Variants in GALNT1 observed in about 807,000 individuals in gnomAD.
GALNT1 encodes the protein polypeptide N-acetylgalactosaminyltransferase 1.
Under a neutral mutation model 65.7 loss-of-function variants are expected in GALNT1, and 17 were observed. That is an observed-to-expected ratio of 0.26 (90% CI 0.18 to 0.39). GALNT1 has a LOEUF of 0.39. GALNT1 is among the 10% of genes least tolerant of loss of function. GALNT1 has a pLI of 1.00. For synonymous variants in GALNT1, 210 were observed against 219.7 expected, an observed-to-expected ratio of 0.96 and a Z score of 0.39; for missense variants, 460 against 672.8, an observed-to-expected ratio of 0.68 and a Z score of 3.50.
intron 1 of GALNT1, among the ~76,000 whole-genome samples, chr18:35,633,238 T>TG (rs1202085712): frequency 6.6e-6 from 1 of 152,170 alleles, no homozygotes; most frequent in African/African-American, 2.4e-5. Context: ...TAAAGACACA[T>TG]GCACACATAT....
At chr18:35,647,485 T>C (rs2047245880) in intron 1 of GALNT1, among the ~76,000 whole-genome samples, 1 of 152,178 alleles carries the variant, frequency 6.6e-6, no homozygotes, top group Non-Finnish European at 1.5e-5. Flanking sequence ...ATAGAGCAAA[T>C]AGAATATAAA....
At chr18:35,706,232 CG>C (rs534080810) in intron 11 of GALNT1, among the ~76,000 whole-genome samples, 83 of 152,210 alleles carry the variant, frequency 5.5e-4, no homozygotes, top group African/African-American at 1.9e-3. Context: ...AAGAGCCGGC[CG>C]GGCGCGGTGG....
chr18:35,593,470 G>T (rs2046468984), intron 1 of GALNT1, among the ~76,000 whole-genome samples: 1 of 152,094 alleles, frequency 6.6e-6, no homozygotes. Context: ...TGGTTTTTAG[G>T]ATAGGAAGGA....
intron 9 of GALNT1, 31 bp from the exon 10 acceptor site, chr18:35,702,866 C>T: frequency 6.9e-7 from 1 of 1,444,778 alleles, no homozygotes; most frequent in Non-Finnish European, 9.6e-7. Flanking sequence ...TTCTCCAACT[C>T]CTGATATTTT....
intron 1 of GALNT1, among the ~76,000 whole-genome samples, chr18:35,587,683 A>G (rs528380929): frequency 1.8e-4 from 27 of 152,216 alleles, no homozygotes; most frequent in Non-Finnish European, 3.4e-4. Flanking sequence ...CCTTACATCC[A>G]TGGCATGAAA....
intron 1 of GALNT1, among the ~76,000 whole-genome samples, chr18:35,644,477 C>A (rs1329040829): frequency 6.6e-6 from 1 of 152,132 alleles, no homozygotes; most frequent in Non-Finnish European, 1.5e-5. Context: ...TAGGGGTAAG[C>A]CAGAATAGCT....
intron 1 of GALNT1, chr18:35,597,376 G>A (rs893071486): frequency 2.0e-5 from 3 of 152,196 alleles, no homozygotes; most frequent in East Asian, 1.9e-4. Context: ...AAATTAGGAC[G>A]TGGGGAGAGA....
intron 1 of GALNT1, among the ~76,000 whole-genome samples, chr18:35,587,601 T>C (rs1254651613): frequency 6.6e-6 from 1 of 152,220 alleles, no homozygotes; most frequent in African/African-American, 2.4e-5. Flanking sequence ...GTTGATCTGA[T>C]CATGTGATTT....
intron 1 of GALNT1, among the ~76,000 whole-genome samples, chr18:35,616,696 A>G (rs2046788116): frequency 6.6e-6 from 1 of 152,032 alleles, no homozygotes; most frequent in South Asian, 2.1e-4. Flanking sequence ...AATACTTGGC[A>G]GAAACAGCTT....
At chr18:35,700,636 A>G (rs1346731790) in intron 9 of GALNT1, among the ~76,000 whole-genome samples, 1 of 152,180 alleles carries the variant, frequency 6.6e-6, no homozygotes, top group Non-Finnish European at 1.5e-5. Flanking sequence ...AGGATGGTAT[A>G]AGCTGTTATG....
intron 1 of GALNT1, among the ~76,000 whole-genome samples, chr18:35,629,147 G>T (rs1279534217): frequency 6.6e-6 from 1 of 152,158 alleles, no homozygotes; most frequent in African/African-American, 2.4e-5. Flanking sequence ...CACTCTGCAG[G>T]ATATTATCCA....
intron 1 of GALNT1, among the ~76,000 whole-genome samples, chr18:35,652,324 T>A (rs2047321838): frequency 6.6e-6 from 1 of 152,142 alleles, no homozygotes; most frequent in Non-Finnish European, 1.5e-5. Flanking sequence ...TCTAACATTG[T>A]TTATCCATAC....
At chr18:35,626,793 C>G (rs2046923203) in intron 1 of GALNT1, among the ~76,000 whole-genome samples, 1 of 152,198 alleles carries the variant, frequency 6.6e-6, no homozygotes, top group African/African-American at 2.4e-5. Flanking sequence ...AAGATGGTTA[C>G]ATTACTTCTA....
intron 9 of GALNT1, among the ~76,000 whole-genome samples, chr18:35,692,537 C>T (rs1252011323): frequency 5.3e-5 from 8 of 151,756 alleles, no homozygotes; most frequent in Non-Finnish European, 8.8e-5. Flanking sequence ...TGAGTTGATG[C>T]GCCTGGAGAT....
intron 1 of GALNT1, among the ~76,000 whole-genome samples, chr18:35,602,026 G>A (rs192263546): frequency 6.6e-6 from 1 of 152,308 alleles, no homozygotes; most frequent in Admixed American, 6.5e-5. Flanking sequence ...TCAGATTGAA[G>A]AACTCCCTTT....
At chr18:35,662,958 A>G (rs1174905966) in intron 2 of GALNT1, among the ~76,000 whole-genome samples, 2 of 152,204 alleles carry the variant, frequency 1.3e-5, no homozygotes, top group Admixed American at 1.3e-4. Flanking sequence ...GACAGGTTTG[A>G]CAATCATTAT....
chr18:35,677,894 TC>T, intron 4 of GALNT1, 137 bp downstream of exon 4: 1 of 610,740 alleles, frequency 1.6e-6, no homozygotes, highest in Non-Finnish European at 2.7e-6. Context: ...TTGGATTCAT[TC>T]ACATATGTAA....
Position 35,703,518 on chromosome 18 carries a change from T to C in GALNT1, c.1408T>C (p.Tyr470His). The part of the protein sequence containing the change: ...HGMGGNQVFS[Y>H]TANKEIRTDD... Reference sequence around the variant, plus strand: ...GCATTTTTATTTCCAGGTTTTCTCTTATACTGCCAACAAAGAAATTAGAAC... The same window carrying C: ...GCATTTTTATTTCCAGGTTTTCTCTCATACTGCCAACAAAGAAATTAGAAC... Residue 470 changes from tyrosine (Y) to histidine (H), a missense_variant, in exon 11 of 12, where the codon TAT (tyrosine) becomes CAT (histidine). Coordinates refer to ENST00000269195, the MANE Select transcript of GALNT1 (RefSeq NM_020474.4). 1 of 1,613,604 alleles carries C rather than the reference T, an allele frequency of 6.2e-7. No individual in the cohort carries two copies. Among genetic ancestry groups the C allele is most frequent in the Non-Finnish European group, 8.5e-7 (1 of 1,179,748 alleles).
At chr18:35,671,304 C>G (rs2047631979) in intron 3 of GALNT1, among the ~76,000 whole-genome samples, 1 of 152,158 alleles carries the variant, frequency 6.6e-6, no homozygotes, top group Non-Finnish European at 1.5e-5. Flanking sequence ...GCAGCCTCAA[C>G]CTCCTGGGCT....
Sources: gnomAD v4.1 joint callset for allele counts (sites outside exome capture counted in the v4.1 genomes callset) on GRCh38, gnomAD v4.1.1 for gene constraint, MANE v1.5 for transcripts, NCBI Gene and HGNC (gene_info 2026-07-23, HGNC 2026-07-21) for gene names.